Variants in FSTL5 observed in about 807,000 individuals in gnomAD.
The protein encoded by FSTL5 is follistatin like 5.
Under a neutral mutation model 89.1 loss-of-function variants are expected in FSTL5, and 62 were observed. The ratio of observed to expected loss-of-function variants is 0.70; its 90% CI spans 0.57 to 0.86. FSTL5 has a LOEUF of 0.86. FSTL5 is among the 40% of genes least tolerant of loss of function. The pLI is 0.00. For synonymous variants in FSTL5, 383 were observed against 346.2 expected, an observed-to-expected ratio of 1.11 and a Z score of -1.18; for missense variants, 1,057 against 1,001.6, an observed-to-expected ratio of 1.06 and a Z score of -0.75.
chr4:161,783,645 CTCTCTCTTTCTTTCTT>C lies in FSTL5; in HGVS notation c.410-7587_410-7572del, dbSNP rs1483195554. On this transcript the variant is annotated intron_variant, in intron 4 of 15. Transcript: ENST00000306100. ...TTCTTTCTCTTTCTTTTCTTTCTTT[CTCTCTCTTTCTTTCTT>C]TCTCTTTCTTTCTTTCTCTTTCTTT... Among the ~76,000 whole-genome samples the C allele has an allele frequency of 1.3e-4, 2 of 15,604 alleles. 1 individual carries two copies. The highest frequency in any genetic ancestry group is 3.6e-4 in the African/African-American group (2 of 5,620). 10.2% of individuals were successfully genotyped at this position (15,604 alleles called of 152,430 possible). A position where few individuals can be genotyped will look rare whatever the true frequency, so the allele number is the denominator to read the frequency against.
intron 4 of FSTL5, among the ~76,000 whole-genome samples, chr4:161,782,270 T>A (rs1741700440): frequency 6.6e-6 from 1 of 152,206 alleles, no homozygotes; most frequent in Non-Finnish European, 1.5e-5. Context: ...AAAGCATGAT[T>A]GCTGCATGAT....
intron 7 of FSTL5, among the ~76,000 whole-genome samples, chr4:161,610,689 TCTG>T (rs1475730117): frequency 6.6e-6 from 1 of 152,166 alleles, no homozygotes; most frequent in Middle Eastern, 3.2e-3. Flanking sequence ...AAACTAGGAC[TCTG>T]CTGCAAATTT....
intron 3 of FSTL5, among the ~76,000 whole-genome samples, chr4:162,017,951 C>T (rs1414700839): frequency 1.3e-5 from 2 of 152,064 alleles, no homozygotes; most frequent in Admixed American, 1.3e-4. Context: ...GTTCCTATCT[C>T]GAGCCCCTTG....
At chr4:162,036,654 G>A (rs1737752180) in intron 2 of FSTL5, among the ~76,000 whole-genome samples, 1 of 151,890 alleles carries the variant, frequency 6.6e-6, no homozygotes, top group Middle Eastern at 3.4e-3. Context: ...GAGGATGGAA[G>A]CATAAAAAAA....
chr4:161,476,536 T>C (rs1289218646), intron 13 of FSTL5, among the ~76,000 whole-genome samples: 3 of 152,160 alleles, frequency 2.0e-5, no homozygotes, highest in Admixed American at 1.3e-4. Flanking sequence ...TTTATTATTG[T>C]AGGCCATCTC....
In FSTL5 at chr4:161,386,122, GA is replaced by G; in HGVS notation, c.2168del (p.Ile723ThrfsTer56). 6.2e-7 allele frequency: 1 copy of G among 1,614,002 alleles called. No individual in the cohort carries two copies. The highest frequency in any genetic ancestry group is 8.5e-7 in the Non-Finnish European group (1 of 1,179,976). On this transcript the variant is annotated frameshift_variant, in exon 16 of 16. Coordinates refer to ENST00000306100, the MANE Select transcript of FSTL5 (RefSeq NM_020116.5). LOFTEE classifies it high-confidence loss of function. ...KGLVRVQYIT[I>X]RGEIQEAFDI... ...CAAAAGCCTCCTGTATTTCTCCTCT[GA>G]TGGTAATGTACTGAACCCTTACAAG...
At chr4:161,619,325 A>C (rs932703351) in intron 7 of FSTL5, among the ~76,000 whole-genome samples, 15 of 152,144 alleles carry the variant, frequency 9.9e-5, no homozygotes, top group African/African-American at 1.9e-4. Context: ...GCAACAAAAG[A>C]CAAAATTGAC....
At chr4:161,869,425 T>A (rs1365037419) in intron 4 of FSTL5, among the ~76,000 whole-genome samples, 1 of 152,188 alleles carries the variant, frequency 6.6e-6, no homozygotes, top group Non-Finnish European at 1.5e-5. Flanking sequence ...TATCAGATCC[T>A]TTAGCAGCAA....
intron 3 of FSTL5, among the ~76,000 whole-genome samples, chr4:161,937,107 C>T (rs1734454558): frequency 6.6e-6 from 1 of 151,980 alleles, no homozygotes; most frequent in African/African-American, 2.4e-5. Flanking sequence ...CAGATTAAAA[C>T]AATGTGAAAT....
chr4:161,652,219 T>C (rs915019086), intron 7 of FSTL5, among the ~76,000 whole-genome samples: 2 of 152,134 alleles, frequency 1.3e-5, no homozygotes, highest in African/African-American at 2.4e-5. Flanking sequence ...GGAGGATCAC[T>C]TGAGGCTAGG....
intron 7 of FSTL5, among the ~76,000 whole-genome samples, chr4:161,607,738 C>A (rs1159786709): frequency 6.6e-6 from 1 of 152,162 alleles, no homozygotes; most frequent in Non-Finnish European, 1.5e-5. Flanking sequence ...AATCTTAAAT[C>A]AGTCAACTCA....
intron 7 of FSTL5, among the ~76,000 whole-genome samples, chr4:161,610,493 G>A (rs896286894): frequency 2.6e-5 from 4 of 152,146 alleles, no homozygotes; most frequent in African/African-American, 9.6e-5. Context: ...GCTTAACTTC[G>A]CTTTAAATTT....
intron 2 of FSTL5, among the ~76,000 whole-genome samples, chr4:162,067,815 C>G (rs114097109): frequency 0.053 from 8,130 of 151,970 alleles, 395 homozygotes; most frequent in East Asian, 0.24. Context: ...TGTCTTAGCC[C>G]AAAAGCATTT....
chr4:161,448,332 T>C (rs1300729657), intron 15 of FSTL5, among the ~76,000 whole-genome samples: 1 of 152,192 alleles, frequency 6.6e-6, no homozygotes, highest in African/African-American at 2.4e-5. Flanking sequence ...TTTCAATTTC[T>C]GCTGTGCTGG....
intron 1 of FSTL5, among the ~76,000 whole-genome samples, chr4:162,154,670 A>G (rs1263111059): frequency 6.6e-6 from 1 of 152,182 alleles, no homozygotes; most frequent in African/African-American, 2.4e-5. Context: ...ATCAAAAAAC[A>G]TTAAGCAAAT....
At chr4:161,604,785 G>A (rs536002987) in intron 7 of FSTL5, among the ~76,000 whole-genome samples, 3 of 152,158 alleles carry the variant, frequency 2.0e-5, no homozygotes, top group Non-Finnish European at 4.4e-5. Flanking sequence ...TTGGAGCCTA[G>A]GGACTGCCTA....
chr4:161,831,573 C>G (rs1730845674), intron 4 of FSTL5, among the ~76,000 whole-genome samples: 2 of 151,704 alleles, frequency 1.3e-5, no homozygotes, highest in Admixed American at 1.3e-4. Flanking sequence ...ATTTTAATTC[C>G]CAGTTTCAAA....
chr4:161,960,075 CTG>C (rs1735133452), intron 3 of FSTL5, among the ~76,000 whole-genome samples: 1 of 151,692 alleles, frequency 6.6e-6, no homozygotes, highest in East Asian at 1.9e-4. Context: ...CAGAACTTAA[CTG>C]TTTAATTAGC....
chr4:161,426,810 A>G (rs1378700511), intron 15 of FSTL5, among the ~76,000 whole-genome samples: 1 of 152,188 alleles, frequency 6.6e-6, no homozygotes, highest in East Asian at 1.9e-4. Flanking sequence ...TTATTTGTTT[A>G]CCTAATGGTC....
Sources: gnomAD v4.1 joint callset for allele counts (sites outside exome capture counted in the v4.1 genomes callset) on GRCh38, gnomAD v4.1.1 for gene constraint, MANE v1.5 for transcripts, NCBI Gene and HGNC (gene_info 2026-07-23, HGNC 2026-07-21) for gene names.